The following ST7L variants were observed in gnomAD, a reference collection of about 807,000 sequenced individuals.
The protein encoded by ST7L is suppressor of tumorigenicity 7 protein-like.
In ST7L, 57 loss-of-function variants were observed where a neutral mutation model predicts 72.5. The ratio of observed to expected loss-of-function variants is 0.79; its 90% CI spans 0.64 to 0.98. The LOEUF (loss-of-function observed/expected upper bound fraction) is 0.98, where lower values mean the gene tolerates loss of function less well. Ranked by LOEUF, ST7L falls within the 50% of genes least tolerant of loss-of-function variation. The pLI is 0.00. For missense variants in ST7L, 576 were observed against 672.2 expected (o/e 0.86, Z 1.58); for synonymous variants, 221 against 240.9 (o/e 0.92, Z 0.77).
intron 9 of ST7L, 146 bp downstream of exon 9, chr1:112,581,846 A>C: frequency 1.6e-6 from 1 of 629,198 alleles, no homozygotes; most frequent in Non-Finnish European, 2.8e-6. Context: ...GTCCTGATAA[A>C]GAAGATACTA....
chr1:112,559,848 G>A (rs1032623195), intron 11 of ST7L, among the ~76,000 whole-genome samples: 2 of 151,412 alleles, frequency 1.3e-5, no homozygotes, highest in African/African-American at 2.4e-5. Context: ...GCGTGGTGGC[G>A]GGCACCTGTA....
chr1:112,520,640 ATCCATAGGG>A, downstream of ST7L: 1 of 939,856 alleles, frequency 1.1e-6, no homozygotes, highest in Non-Finnish European at 1.6e-6. Context: ...GTAGAGAGTA[ATCCATAGGG>A]ACCATGGTGT....
chr1:112,604,897 C>G (rs1354075854), intron 3 of ST7L, among the ~76,000 whole-genome samples: 1 of 141,212 alleles, frequency 7.1e-6, no homozygotes, highest in Non-Finnish European at 1.5e-5. Context: ...ATCAGCCTGG[C>G]CAACATGGTG....
chr1:112,583,913 A>T, intron 7 of ST7L, 59 bp downstream of exon 7: 1 of 1,542,224 alleles, frequency 6.5e-7, no homozygotes, highest in Non-Finnish European at 8.7e-7. Flanking sequence ...TGTTTGTGTT[A>T]AGACACAAGC....
At chr1:112,548,703 C>T (rs190191664) in intron 13 of ST7L, among the ~76,000 whole-genome samples, 207 of 152,258 alleles carry the variant, frequency 1.4e-3, no homozygotes, top group Admixed American at 1.6e-3. Flanking sequence ...TTATAGCCTT[C>T]GGCATGGTTG....
intron 11 of ST7L, among the ~76,000 whole-genome samples, chr1:112,568,582 G>C (rs962613037): frequency 1.3e-5 from 2 of 151,074 alleles, no homozygotes; most frequent in Non-Finnish European, 3.0e-5. Flanking sequence ...TGATTCGCCC[G>C]CCTCAGCCTC....
chr1:112,538,544 C>A (rs973519260), intron 14 of ST7L, among the ~76,000 whole-genome samples: 9 of 152,130 alleles, frequency 5.9e-5, no homozygotes, highest in African/African-American at 1.9e-4. Flanking sequence ...GGGGTTTCAC[C>A]ATGTTACCCG....
intron 3 of ST7L, among the ~76,000 whole-genome samples, chr1:112,601,934 TG>T (rs1381914088): frequency 7.2e-5 from 11 of 151,900 alleles, no homozygotes; most frequent in Middle Eastern, 3.4e-3. Context: ...CAAAATTAGC[TG>T]GGCATGGTGG....
chr1:112,618,479 A>T, intron 1 of ST7L: 1 of 197,932 alleles, frequency 5.1e-6, no homozygotes, highest in Non-Finnish European at 9.7e-6. Context: ...AAATCTTTAA[A>T]TTACAGATGT....
intron 3 of ST7L, 54 bp downstream of exon 3, chr1:112,610,787 G>A: frequency 6.3e-7 from 1 of 1,586,112 alleles, no homozygotes; most frequent in Non-Finnish European, 8.6e-7. Context: ...ATCTCCCAGA[G>A]CCAAACTCAA....
chr1:112,604,399 C>T lies in ST7L; in HGVS notation c.452-3551G>A, dbSNP rs895307482. ...TAAAATCTAAAGGCCAAAGTTTCAT[C>T]TAAATATTATCTGAATCAGACATAG... is the stretch of plus-strand genomic sequence containing the variant. On this transcript the variant is annotated intron_variant, in intron 3 of 14. Transcript: ENST00000358039. Among the ~76,000 whole-genome samples, 3 of 152,094 alleles carry T rather than the reference C, an allele frequency of 2.0e-5. No homozygotes were observed. The East Asian group carries it at 5.8e-4, about 29-fold the overall frequency.
chr1:112,558,929 C>T (rs1381458481), intron 11 of ST7L, among the ~76,000 whole-genome samples: 4 of 152,130 alleles, frequency 2.6e-5, no homozygotes, highest in Non-Finnish European at 4.4e-5. Flanking sequence ...AGAGCTTCTT[C>T]AGTAGGAAGC....
chr1:112,596,074 A>G (rs1666436074), intron 5 of ST7L, among the ~76,000 whole-genome samples: 2 of 152,196 alleles, frequency 1.3e-5, no homozygotes. Context: ...GAGTCACTCA[A>G]CCCTTAAAGT....
At chr1:112,560,638 G>T (rs1000841845) in intron 11 of ST7L, among the ~76,000 whole-genome samples, 9 of 151,948 alleles carry the variant, frequency 5.9e-5, no homozygotes, top group Non-Finnish European at 1.2e-4. Context: ...CTACTACCAT[G>T]CCTAGCATAT....
At chr1:112,532,955 A>G (rs1193853568) in intron 14 of ST7L, among the ~76,000 whole-genome samples, 6 of 152,194 alleles carry the variant, frequency 3.9e-5, no homozygotes, top group Non-Finnish European at 5.9e-5. Context: ...GTTATAGGTT[A>G]TGATATTTTA....
chr1:112,547,108 C>G (rs1158953601), intron 13 of ST7L, among the ~76,000 whole-genome samples: 1 of 151,934 alleles, frequency 6.6e-6, no homozygotes, highest in Admixed American at 6.6e-5. Flanking sequence ...ATTTACCATT[C>G]TCCAAGTCAC....
chr1:112,559,941 G>A (rs1285487660), intron 11 of ST7L, among the ~76,000 whole-genome samples: 1 of 151,994 alleles, frequency 6.6e-6, no homozygotes. Flanking sequence ...TCGTGCCACT[G>A]CACTCCAGCC....
downstream of ST7L, among the ~76,000 whole-genome samples, chr1:112,519,228 T>A (rs1034720849): frequency 6.6e-6 from 1 of 152,260 alleles, no homozygotes; most frequent in Non-Finnish European, 1.5e-5. Flanking sequence ...CTCCATTATA[T>A]GTATATTTAT....
intron 6 of ST7L, among the ~76,000 whole-genome samples, chr1:112,585,368 C>A (rs1161075144): frequency 6.6e-6 from 1 of 152,172 alleles, no homozygotes; most frequent in Non-Finnish European, 1.5e-5. Flanking sequence ...TAAAAATGCA[C>A]AACGAATTTT....
Sources: allele counts gnomAD v4.1 joint callset (sites outside exome capture counted in the v4.1 genomes callset), GRCh38; gene constraint gnomAD v4.1.1; transcripts MANE v1.5; gene names NCBI Gene and HGNC (gene_info 2026-07-23, HGNC 2026-07-21).